APH1B: variants seen among roughly 807,000 people sequenced by gnomAD.
APH1B encodes gamma-secretase subunit APH-1B.
APH1B carries 27 observed loss-of-function variants against 28.2 expected under a neutral mutation model. The ratio of observed to expected loss-of-function variants is 0.96; its 90% CI spans 0.70 to 1.32. The LOEUF (loss-of-function observed/expected upper bound fraction) is 1.32, where lower values mean the gene tolerates loss of function less well. Ranked by LOEUF, APH1B falls within the 40% of genes most tolerant of loss-of-function variation. APH1B has a pLI of 0.00. For synonymous variants in APH1B, 141 were observed against 124.6 expected, an observed-to-expected ratio of 1.13 and a Z score of -0.88; for missense variants, 305 against 313.6, an observed-to-expected ratio of 0.97 and a Z score of 0.21.
At chr15:63,298,022 A>G (rs572935043) in intron 4 of APH1B, among the ~76,000 whole-genome samples, 2 of 152,308 alleles carry the variant, frequency 1.3e-5, no homozygotes, top group East Asian at 1.9e-4. Flanking sequence ...GAAAGGTTCT[A>G]TGAGACTGTG....
chr15:63,302,525 C>A, intron 5 of APH1B, 53 bp downstream of exon 5: 1 of 1,570,196 alleles, frequency 6.4e-7, no homozygotes, highest in South Asian at 1.2e-5. Flanking sequence ...GTCTATGTAT[C>A]TAAAATGGTA....
rs1175568940 is a variant in APH1B, at chr15:63,304,155, A to G, written c.607-1459A>G. 6.6e-6 allele frequency among the ~76,000 whole-genome samples: 1 copy of G among 152,122 alleles called. No individual in the cohort carries two copies. The highest frequency in any genetic ancestry group is 1.5e-5 in the Non-Finnish European group (1 of 68,018). Reference sequence around the variant, plus strand: ...AAAAGTTTTCATTTACGTTTCCCTGATGATTAATAGGTTGAGCCCCATGTT... The same window carrying G: ...AAAAGTTTTCATTTACGTTTCCCTGGTGATTAATAGGTTGAGCCCCATGTT... On this transcript the variant is annotated intron_variant, in intron 5 of 5. Coordinates refer to ENST00000261879, the MANE Select transcript of APH1B (RefSeq NM_031301.4). This position sits in a 1 kb window ranked among gnomAD's most constrained non-coding sequence, Gnocchi z 5.1.
At chr15:63,277,989 G>C (rs2152590538) in intron 1 of APH1B, 1 of 535,536 alleles carries the variant, frequency 1.9e-6, no homozygotes, top group East Asian at 3.2e-5. Context: ...AGCTACTAAA[G>C]TTGTATAAAA....
chr15:63,300,151 T>G (rs548533016), intron 4 of APH1B, among the ~76,000 whole-genome samples: 5 of 152,254 alleles, frequency 3.3e-5, no homozygotes, highest in Admixed American at 1.3e-4. Flanking sequence ...TCCTCTGGTA[T>G]CTGGTCAGGG....
intron 4 of APH1B, among the ~76,000 whole-genome samples, chr15:63,301,899 G>A (rs2038632377): frequency 1.3e-5 from 2 of 152,198 alleles, no homozygotes; most frequent in Non-Finnish European, 2.9e-5. Flanking sequence ...GCATGAGCCA[G>A]AGCGCCTGGC....
chr15:63,306,472 C>T lies in APH1B; in HGVS notation c.*691C>T, dbSNP rs2038689092. The T allele has an allele frequency of 6.6e-6, 1 of 152,250 alleles. No individual in the cohort carries two copies. Among genetic ancestry groups the T allele is most frequent in the African/African-American group, 2.4e-5 (1 of 41,466 alleles). 9.4% of individuals were successfully genotyped at this position (152,250 alleles called of 1,614,324 possible). A position where few individuals can be genotyped will look rare whatever the true frequency, so the allele number is the denominator to read the frequency against. ...TTACATTGTTTTTGAGTATAGATTACATTTTATTAACTAAAAATGATTGTT... is the reference window on the plus strand; with the variant it reads ...TTACATTGTTTTTGAGTATAGATTATATTTTATTAACTAAAAATGATTGTT... On this transcript the variant is annotated 3_prime_UTR_variant, in exon 6 of 6. Coordinates refer to ENST00000261879, the MANE Select transcript of APH1B (RefSeq NM_031301.4).
rs955399721 is a variant in APH1B, at chr15:63,304,282, G to T, written c.607-1332G>T. On this transcript the variant is annotated intron_variant, in intron 5 of 5. Transcript: ENST00000261879. This position sits in a 1 kb window ranked among gnomAD's most constrained non-coding sequence, Gnocchi z 5.1. ...GTGGGGGCAGGGACTGGTGGAACAG[G>T]GAGGCTCCTGGGGGCTGAGAATGTT... Among the ~76,000 whole-genome samples, 3 of 152,164 alleles carry T rather than the reference G, an allele frequency of 2.0e-5. No individual in the cohort carries two copies. The South Asian group carries it at 6.2e-4, about 32-fold the overall frequency.
At chr15:63,292,910 G>T (rs1258869668) in intron 4 of APH1B, among the ~76,000 whole-genome samples, 1 of 152,184 alleles carries the variant, frequency 6.6e-6, no homozygotes, top group Non-Finnish European at 1.5e-5. Flanking sequence ...GTCTCTAGCT[G>T]AAAGAATGAC....
rs1308111286 is a variant in APH1B at position 63,306,879 on chromosome 15, A to G, written c.*1098A>G. 1.3e-5 allele frequency: 2 copies of G among 152,256 alleles called. No individual in the cohort carries two copies. The highest frequency in any genetic ancestry group is 2.9e-5 in the Non-Finnish European group (2 of 68,050). 9.4% of individuals were successfully genotyped at this position (152,256 alleles called of 1,614,324 possible). ...CAAATCTCACACTATTGCATAATCC[A>G]TATGCTCTTTAGATCTAGTCAGTGT... On this transcript the variant is annotated 3_prime_UTR_variant, in exon 6 of 6. Coordinates refer to ENST00000261879, the MANE Select transcript of APH1B (RefSeq NM_031301.4).
chr15:63,299,551 C>A (rs1899377537), intron 4 of APH1B, among the ~76,000 whole-genome samples: 1 of 152,000 alleles, frequency 6.6e-6, no homozygotes, highest in Non-Finnish European at 1.5e-5. Flanking sequence ...ACTACAGGTG[C>A]CCTCCACCAC....
At chr15:63,286,669 T>A in intron 3 of APH1B, 41 bp downstream of exon 3, 1 of 1,529,412 alleles carries the variant, frequency 6.5e-7, no homozygotes, top group Non-Finnish European at 8.9e-7. Context: ...AAAAAAATCA[T>A]ACTTGGCATA....
intron 1 of APH1B, chr15:63,278,390 C>T (rs1458893857): frequency 3.1e-5 from 14 of 456,180 alleles, no homozygotes; most frequent in South Asian, 2.0e-4. Flanking sequence ...TCGCAGTCAT[C>T]ACCTGCCTCT....
rs748773532 is a variant in APH1B, at chr15:63,286,519, T to A, written c.285-39T>A. ...TGATATATTGCTCTTCCTTTTTTTT[T>A]TTTTTTTCTTCTTAATTACATGTGT... On this transcript the variant is annotated intron_variant, in intron 2 of 5. Transcript: ENST00000261879. 4 of 1,493,508 alleles carry A rather than the reference T, an allele frequency of 2.7e-6. No individual in the cohort carries two copies. In the South Asian group the frequency reaches 3.9e-5, roughly 14 times the overall value. 92.5% of individuals were successfully genotyped at this position (1,493,508 alleles called of 1,614,324 possible).
In APH1B at chr15:63,306,357, C is replaced by T. The variant is rs1037099822; in HGVS notation, c.*576C>T. On this transcript the variant is annotated 3_prime_UTR_variant, in exon 6 of 6. Transcript: ENST00000261879. ...GGCTTCTAAATGCAATAATAAATTA[C>T]GCTGACTGTGGTAACTTAGCCAAAG... 1.3e-5 allele frequency: 2 copies of T among 152,356 alleles called. No homozygotes were observed. The highest frequency in any genetic ancestry group is 2.4e-5 in the African/African-American group (1 of 41,464). 9.4% of individuals were successfully genotyped at this position (152,356 alleles called of 1,614,324 possible).
intron 4 of APH1B, among the ~76,000 whole-genome samples, chr15:63,288,590 G>A (rs973482665): frequency 2.0e-5 from 3 of 152,216 alleles, no homozygotes; most frequent in African/African-American, 7.2e-5. Context: ...CTTCCCTGCT[G>A]CAAAAATGGT....
intron 2 of APH1B, among the ~76,000 whole-genome samples, chr15:63,284,690 G>A (rs1188500536): frequency 3.9e-5 from 6 of 152,286 alleles, no homozygotes; most frequent in Non-Finnish European, 5.9e-5. Context: ...ATTGTTGACT[G>A]AAATGTTGCT....
intron 4 of APH1B, among the ~76,000 whole-genome samples, chr15:63,288,431 C>T (rs1255903315): frequency 6.6e-6 from 1 of 152,226 alleles, no homozygotes; most frequent in African/African-American, 2.4e-5. Context: ...CCAGTGGACA[C>T]TCATTCACCA....
At position 63,306,735 on chromosome 15, in the gene APH1B, A is replaced by C. The variant is rs2152603779; in HGVS notation, c.*954A>C. The C allele has an allele frequency of 6.6e-6, 1 of 152,368 alleles. No homozygotes were observed. Among genetic ancestry groups the C allele is most frequent in the South Asian group, 2.1e-4 (1 of 4,832 alleles). 9.4% of individuals were successfully genotyped at this position (152,368 alleles called of 1,614,324 possible). A position where few individuals can be genotyped will look rare whatever the true frequency, so the allele number is the denominator to read the frequency against. On this transcript the variant is annotated 3_prime_UTR_variant, in exon 6 of 6. Transcript: ENST00000261879. ...CACTGGAGCTGGTGGAAGTATAACC[A>C]GAAGCACAAGGAAATGAGCCAAAAG... is the stretch of plus-strand genomic sequence containing the variant.
intron 2 of APH1B, among the ~76,000 whole-genome samples, chr15:63,280,042 C>CCCACCTTGG (rs1408742870): frequency 6.6e-6 from 1 of 152,144 alleles, no homozygotes; most frequent in Non-Finnish European, 1.5e-5. Flanking sequence ...CAGTGATCCG[C>CCCACCTTGG]CCACCTTGGC....
Sources: allele counts gnomAD v4.1 joint callset (sites outside exome capture counted in the v4.1 genomes callset), GRCh38; gene constraint gnomAD v4.1.1; non-coding constraint Gnocchi (gnomAD v3.1); transcripts MANE v1.5; gene names NCBI Gene and HGNC (gene_info 2026-07-23, HGNC 2026-07-21).